GREM1: variants seen among roughly 807,000 people sequenced by gnomAD.
GREM1 encodes gremlin 1, DAN family BMP antagonist.
In GREM1, 6 loss-of-function variants were observed where a neutral mutation model predicts 13.1. That is an observed-to-expected ratio of 0.46 (90% CI 0.25 to 0.91). The LOEUF is 0.91. Among genes scored for constraint, GREM1 ranks in the 40% least tolerant of loss-of-function variants. The pLI is 0.18. For missense variants in GREM1, 185 were observed against 233.9 expected, an observed-to-expected ratio of 0.79 and a Z score of 1.36; for synonymous variants, 98 against 93.7, an observed-to-expected ratio of 1.05 and a Z score of -0.27.
intron 1 of GREM1, among the ~76,000 whole-genome samples, chr15:32,729,750 C>T (rs986974848): frequency 5.3e-5 from 8 of 152,318 alleles, no homozygotes; most frequent in Admixed American, 3.3e-4. Flanking sequence ...CATACTTGTT[C>T]TATCATGCCC....
intron 1 of GREM1, among the ~76,000 whole-genome samples, chr15:32,723,996 T>C (rs988762087): frequency 5.9e-5 from 9 of 152,172 alleles, no homozygotes; most frequent in Admixed American, 6.5e-5. Context: ...CATTTTAAAA[T>C]GCGAAGAATG....
At chr15:32,724,302 G>T (rs2055459991) in intron 1 of GREM1, among the ~76,000 whole-genome samples, 2 of 152,216 alleles carry the variant, frequency 1.3e-5, no homozygotes, top group African/African-American at 4.8e-5. Flanking sequence ...GTTAGTCTCA[G>T]ATTGGCCTCT....
chr15:32,731,137 C>G lies in GREM1; in HGVS notation c.447C>G (p.Phe149Leu). 6.2e-7 allele frequency: 1 copy of G among 1,614,092 alleles called. No homozygotes were observed. ...GCTCCTTCTGCAAGCCCAAGAAATT[C>G]ACTACCATGATGGTCACACTCAACT... is the stretch of plus-strand genomic sequence containing the variant. ...QSCSFCKPKK[F>L]TTMMVTLNCP... The change falls in exon 2 of 2, where the codon TTC (phenylalanine) becomes TTG (leucine). Residue 149 changes from phenylalanine (F) to leucine (L), a missense_variant. By Grantham distance (22) the Phe-to-Leu change is conservative. Transcript: ENST00000651154.
chr15:32,725,478 G>A (rs1416953085), intron 1 of GREM1, among the ~76,000 whole-genome samples: 1 of 152,076 alleles, frequency 6.6e-6, no homozygotes, highest in African/African-American at 2.4e-5. Context: ...CTTTTTGATG[G>A]GGTTGTTTGC....
chr15:32,733,674 A>G lies in GREM1; in HGVS notation c.*2429A>G. On this transcript the variant is annotated 3_prime_UTR_variant, in exon 2 of 2. Transcript: ENST00000651154. ...TTCCAACTTTCATTGAAAATGCCAT[A>G]TCTATACCATATTTTATTCGAGTCA... 1 of 226,450 alleles carries G rather than the reference A, an allele frequency of 4.4e-6. No individual in the cohort carries two copies. Among genetic ancestry groups the G allele is most frequent in the Non-Finnish European group, 9.6e-6 (1 of 104,430 alleles). The allele number at this position is 226,450 out of a possible 1,614,324, so 14.0% of individuals were successfully genotyped here.
At chr15:32,720,778 A>C (rs938771934) in intron 1 of GREM1, among the ~76,000 whole-genome samples, 2 of 152,236 alleles carry the variant, frequency 1.3e-5, no homozygotes, top group Non-Finnish European at 2.9e-5. Flanking sequence ...AAACATATCC[A>C]TTGACCCACT....
intron 1 of GREM1, among the ~76,000 whole-genome samples, chr15:32,729,006 C>G (rs76997904): frequency 6.8e-6 from 1 of 147,244 alleles, no homozygotes; most frequent in African/African-American, 2.5e-5. Context: ...TCTGCACTTT[C>G]TTTTTTTTTT....
intron 1 of GREM1, 103 bp downstream of exon 1, chr15:32,718,264 G>A: frequency 2.2e-6 from 2 of 920,570 alleles, no homozygotes; most frequent in Non-Finnish European, 3.2e-6. Context: ...CCCTCCGTGC[G>A]CGCAGGCTCG....
Position 32,731,609 on chromosome 15 carries a change from G to A in GREM1, c.*364G>A. On this transcript the variant is annotated 3_prime_UTR_variant, in exon 2 of 2. Coordinates refer to ENST00000651154, the MANE Select transcript of GREM1 (RefSeq NM_013372.7). ...CTCCTGGGGACCAGAATCTCCTTTC[G>A]GAATGAATGTTCATGGAAGAGGCTC... 3.1e-6 allele frequency: 1 copy of A among 320,580 alleles called. No individual in the cohort carries two copies. 19.9% of individuals were successfully genotyped at this position (320,580 alleles called of 1,614,324 possible).
intron 1 of GREM1, among the ~76,000 whole-genome samples, chr15:32,720,247 C>A (rs1431601559): frequency 6.6e-6 from 1 of 152,078 alleles, no homozygotes; most frequent in Non-Finnish European, 1.5e-5. Context: ...TTGGCTAATG[C>A]GGTCTTTATG....
intron 1 of GREM1, among the ~76,000 whole-genome samples, chr15:32,727,352 A>G (rs1221794112): frequency 6.6e-6 from 1 of 152,224 alleles, no homozygotes; most frequent in Non-Finnish European, 1.5e-5. Flanking sequence ...ACGCAAATCA[A>G]TAAACGTAAT....
chr15:32,718,228 G>A (rs1356059952), intron 1 of GREM1, 67 bp downstream of exon 1: 2 of 1,220,226 alleles, frequency 1.6e-6, no homozygotes, highest in Non-Finnish European at 2.2e-6. Flanking sequence ...ACCAACCCAG[G>A]ACCCGCTCAG....
At chr15:32,726,044 G>T (rs2055497018) in intron 1 of GREM1, among the ~76,000 whole-genome samples, 4 of 152,116 alleles carry the variant, frequency 2.6e-5, no homozygotes, top group Admixed American at 2.6e-4. Flanking sequence ...CTGTAGCCTT[G>T]TAGTACAGTT....
chr15:32,733,706 A>T lies in GREM1; in HGVS notation c.*2461A>T, dbSNP rs1198333373. On this transcript the variant is annotated 3_prime_UTR_variant, in exon 2 of 2. Transcript: ENST00000651154. The stretch of plus-strand genomic sequence containing the variant: ...CCATATTTTATTCGAGTCACTGATG[A>T]TGTAATGATATATTTTTTCATTATT... 1 of 227,908 alleles carries T rather than the reference A, an allele frequency of 4.4e-6. No homozygotes were observed. The highest frequency in any genetic ancestry group is 9.5e-6 in the Non-Finnish European group (1 of 105,550). 14.1% of individuals were successfully genotyped at this position (227,908 alleles called of 1,614,324 possible).
In GREM1 at chr15:32,736,818, T is replaced by A. The variant is rs1231004610; in HGVS notation, c.*5573T>A. On this transcript the variant is annotated 3_prime_UTR_variant, in exon 2 of 2. Transcript: ENST00000651154. Reference sequence around the variant, plus strand: ...CTGCATGTGGGAATCCTCATCCAAGTCATACTTTCTAAACATCATAAAAAG... The same window carrying A: ...CTGCATGTGGGAATCCTCATCCAAGACATACTTTCTAAACATCATAAAAAG... The A allele has an allele frequency of 1.3e-5, 2 of 152,182 alleles. No individual in the cohort carries two copies. The highest frequency in any genetic ancestry group is 2.9e-5 in the Non-Finnish European group (2 of 68,024). The allele number at this position is 152,182 out of a possible 1,614,324, so 9.4% of individuals were successfully genotyped here.
At chr15:32,718,808 G>A (rs2055349189) in intron 1 of GREM1, 1 of 309,800 alleles carries the variant, frequency 3.2e-6, no homozygotes, top group Non-Finnish European at 6.4e-6. Context: ...CCTGGCCGCG[G>A]GGTCCAGCGA....
rs371240416 is a variant in GREM1 at position 32,732,798 on chromosome 15, C to T, written c.*1553C>T. On this transcript the variant is annotated 3_prime_UTR_variant, in exon 2 of 2. Coordinates refer to ENST00000651154, the MANE Select transcript of GREM1 (RefSeq NM_013372.7). ...AGGGCCAAAGTGCAGGGTGGGTGAACTTTATTGTACTTTGGATTTGGTTAA... is the reference window on the plus strand; with the variant it reads ...AGGGCCAAAGTGCAGGGTGGGTGAATTTTATTGTACTTTGGATTTGGTTAA... 40 of 226,812 alleles carry T rather than the reference C, an allele frequency of 1.8e-4. 3 individuals are homozygous for T. Among genetic ancestry groups the T allele is most frequent in the Admixed American group, 1.2e-3 (20 of 17,042 alleles). 14.0% of individuals were successfully genotyped at this position (226,812 alleles called of 1,614,324 possible). A position where few individuals can be genotyped will look rare whatever the true frequency, so the allele number is the denominator to read the frequency against.
At chr15:32,718,328 C>A in intron 1 of GREM1, 167 bp downstream of exon 1, 1 of 550,248 alleles carries the variant, frequency 1.8e-6, no homozygotes, top group Non-Finnish European at 3.4e-6. Flanking sequence ...GTCCTTCCTG[C>A]TGAGGCCGCG....
At chr15:32,718,314 C>A in intron 1 of GREM1, 153 bp downstream of exon 1, 1 of 586,778 alleles carries the variant, frequency 1.7e-6, no homozygotes, top group Non-Finnish European at 3.0e-6. Context: ...AGAACCATCG[C>A]GGGGTCCTTC....
Sources: allele counts gnomAD v4.1 joint callset (sites outside exome capture counted in the v4.1 genomes callset), GRCh38; gene constraint gnomAD v4.1.1; transcripts MANE v1.5; gene names NCBI Gene and HGNC (gene_info 2026-07-23, HGNC 2026-07-21).